Variants in CSMD1 observed in about 807,000 individuals in gnomAD.
CSMD1 encodes CUB and sushi domain-containing protein 1.
CSMD1 carries 213 observed loss-of-function variants against 417.5 expected under a neutral mutation model. The observed-to-expected ratio is 0.51, with a 90% CI of 0.46 to 0.57. CSMD1 has a LOEUF of 0.57. Ranked by LOEUF, CSMD1 falls within the 20% of genes least tolerant of loss-of-function variation. The pLI is 0.00. For synonymous variants in CSMD1, 2,862 were observed against 1,736.8 expected, an observed-to-expected ratio of 1.65 and a Z score of -16.11; for missense variants, 6,923 against 4,529.7, an observed-to-expected ratio of 1.53 and a Z score of -15.17.
At chr8:3,966,691 C>G (rs190066313) in intron 5 of CSMD1, among the ~76,000 whole-genome samples, 3 of 151,962 alleles carry the variant, frequency 2.0e-5, no homozygotes, top group Admixed American at 6.6e-5. Flanking sequence ...GCCACCACAG[C>G]GTATGCCATG....
rs1370132269 is a variant in CSMD1, at chr8:4,067,487, T to G, written c.416-35388A>C. Among the ~76,000 whole-genome samples, 7 of 152,170 alleles carry G rather than the reference T, an allele frequency of 4.6e-5. No homozygotes were observed. The East Asian group carries it at 5.8e-4, about 13-fold the overall frequency. ...CTTTTCACATGAAATAAATTACTTT[T>G]TTTTTTAATTTCAAAATTTTTAAAT... On this transcript the variant is annotated intron_variant, in intron 3 of 69. Coordinates refer to ENST00000635120, the MANE Select transcript of CSMD1 (RefSeq NM_033225.6).
chr8:3,287,326 T>C (rs6992009), intron 25 of CSMD1, among the ~76,000 whole-genome samples: 12,133 of 139,898 alleles, frequency 0.087, 1,389 homozygotes, highest in African/African-American at 0.26. Flanking sequence ...TAGTTTTTTC[T>C]AATTCTGTGA....
intron 26 of CSMD1, among the ~76,000 whole-genome samples, chr8:3,270,110 C>T (rs1316355965): frequency 2.3e-5 from 3 of 129,112 alleles, no homozygotes; most frequent in Non-Finnish European, 4.7e-5. Context: ...AGTACAGTGG[C>T]ACTGTCTTGG....
intron 1 of CSMD1, among the ~76,000 whole-genome samples, chr8:4,939,204 G>A (rs1439813337): frequency 3.3e-5 from 5 of 152,066 alleles, no homozygotes; most frequent in African/African-American, 4.8e-5. Flanking sequence ...ACTGTTGGTG[G>A]GAATGTAAAT....
At chr8:3,340,339 T>C (rs1396337838) in intron 23 of CSMD1, among the ~76,000 whole-genome samples, 2 of 152,212 alleles carry the variant, frequency 1.3e-5, no homozygotes, top group Non-Finnish European at 2.9e-5. Context: ...TTTATAAATA[T>C]GAAGGGATAA....
chr8:3,171,496 T>A (rs943889249), intron 37 of CSMD1, among the ~76,000 whole-genome samples: 2 of 152,110 alleles, frequency 1.3e-5, no homozygotes, highest in South Asian at 4.1e-4. Flanking sequence ...AAATGATGAG[T>A]TGGTGGTTGG....
chr8:3,974,485 GA>G (rs548160298), intron 5 of CSMD1, among the ~76,000 whole-genome samples: 231 of 151,790 alleles, frequency 1.5e-3, no homozygotes, highest in African/African-American at 5.3e-3. Flanking sequence ...TATTAAAACA[GA>G]AAAAAAGTAT....
intron 5 of CSMD1, among the ~76,000 whole-genome samples, chr8:3,786,138 C>A (rs1038748028): frequency 4.6e-5 from 7 of 152,122 alleles, no homozygotes; most frequent in Admixed American, 4.6e-4. Context: ...GGCTGCTTAG[C>A]AAAACAGGAC....
intron 37 of CSMD1, among the ~76,000 whole-genome samples, chr8:3,171,116 G>A (rs531606270): frequency 6.6e-6 from 1 of 152,100 alleles, no homozygotes; most frequent in East Asian, 1.9e-4. Context: ...CAAGATTTGG[G>A]GAAACAGATA....
chr8:4,158,881 A>G (rs991184456), intron 3 of CSMD1, among the ~76,000 whole-genome samples: 2 of 152,182 alleles, frequency 1.3e-5, no homozygotes, highest in Admixed American at 6.5e-5. Context: ...TCAGTTTACT[A>G]CTGTTTCCAG....
chr8:4,041,835 T>C (rs1002938285), intron 3 of CSMD1, among the ~76,000 whole-genome samples: 4 of 151,966 alleles, frequency 2.6e-5, no homozygotes, highest in African/African-American at 7.3e-5. Context: ...CAAACCCAGA[T>C]TGAACATCTA....
intron 3 of CSMD1, among the ~76,000 whole-genome samples, chr8:4,043,443 T>A (rs1207886263): frequency 6.6e-6 from 1 of 152,116 alleles, no homozygotes; most frequent in African/African-American, 2.4e-5. Context: ...GTGCACATCA[T>A]GATAATGGAT....
chr8:3,788,215 G>T (rs1026429500), intron 5 of CSMD1, among the ~76,000 whole-genome samples: 1 of 152,176 alleles, frequency 6.6e-6, no homozygotes, highest in Non-Finnish European at 1.5e-5. Flanking sequence ...TTGGATCACA[G>T]GATTTAACAG....
intron 2 of CSMD1, among the ~76,000 whole-genome samples, chr8:4,516,127 A>C (rs1803107893): frequency 6.6e-6 from 1 of 152,058 alleles, no homozygotes; most frequent in South Asian, 2.1e-4. Context: ...GAGAGTAATT[A>C]AGATTAAAAG....
rs118023581 is a variant in CSMD1, at chr8:4,418,917, C to A, written c.415+1036G>T. Among the ~76,000 whole-genome samples the A allele has an allele frequency of 4.2e-3, 642 of 152,222 alleles. 3 individuals carry two copies. Among genetic ancestry groups the A allele is most frequent in the Admixed American group, 6.4e-3 (97 of 15,274 alleles). On this transcript the variant is annotated intron_variant, in intron 3 of 69. Transcript: ENST00000635120. ...AGACCATTCTCAGCATTATTCCACA[C>A]GTAACTTTAAGCAAAAGGATAAGTC...
chr8:3,916,145 T>G (rs139465012), intron 5 of CSMD1, among the ~76,000 whole-genome samples: 14 of 151,940 alleles, frequency 9.2e-5, no homozygotes, highest in African/African-American at 3.1e-4. Context: ...TGAAAAAAAA[T>G]GCTAAATGCT....
At chr8:3,854,529 G>A (rs1297495696) in intron 5 of CSMD1, among the ~76,000 whole-genome samples, 1 of 152,040 alleles carries the variant, frequency 6.6e-6, no homozygotes, top group East Asian at 1.9e-4. Flanking sequence ...TAACTGCACG[G>A]GTTATGGGCA....
intron 1 of CSMD1, among the ~76,000 whole-genome samples, chr8:4,762,773 G>A (rs765182544): frequency 2.0e-5 from 3 of 152,014 alleles, no homozygotes; most frequent in Admixed American, 6.6e-5. Context: ...TCTCCTCTGA[G>A]CTCTTTGAAA....
chr8:4,242,201 G>T (rs981663657), intron 3 of CSMD1, among the ~76,000 whole-genome samples: 1 of 152,046 alleles, frequency 6.6e-6, no homozygotes, highest in South Asian at 2.1e-4. Context: ...TTAAATAAAA[G>T]AATTGTGATT....
Sources: allele counts gnomAD v4.1 joint callset (sites outside exome capture counted in the v4.1 genomes callset), GRCh38; gene constraint gnomAD v4.1.1; transcripts MANE v1.5; gene names NCBI Gene and HGNC (gene_info 2026-07-23, HGNC 2026-07-21).